The following CSMD3 variants were observed in gnomAD, a reference collection of about 807,000 sequenced individuals.
CSMD3 encodes CUB and sushi domain-containing protein 3.
In CSMD3, 177 loss-of-function variants were observed where a neutral mutation model predicts 435.2. The ratio of observed to expected loss-of-function variants is 0.41; its 90% CI spans 0.36 to 0.46. The LOEUF (loss-of-function observed/expected upper bound fraction) is 0.46, where lower values mean the gene tolerates loss of function less well. Among genes scored for constraint, CSMD3 ranks in the 20% least tolerant of loss-of-function variants. The probability of loss-of-function intolerance (pLI) is 0.34; values close to 1 mark genes in which losing one functional copy is unlikely to be tolerated. For synonymous variants in CSMD3, 1,656 were observed against 1,520.5 expected (o/e 1.09, Z -2.07); for missense variants, 4,265 against 4,504.6 (o/e 0.95, Z 1.52).
chr8:112,879,749 G>T (rs61254463), intron 10 of CSMD3, among the ~76,000 whole-genome samples: 9,291 of 151,998 alleles, frequency 0.061, 961 homozygotes, highest in African/African-American at 0.21. Context: ...GAAGTATCAG[G>T]TGCTGGTTCC....
At chr8:112,734,540 G>T (rs1234092602) in intron 13 of CSMD3, among the ~76,000 whole-genome samples, 1 of 151,896 alleles carries the variant, frequency 6.6e-6, no homozygotes, top group African/African-American at 2.4e-5. Flanking sequence ...TTGTCTCAGA[G>T]AAATGATATA....
Position 112,747,095 on chromosome 8 carries a change from C to T in CSMD3, c.1972+53067G>A, listed in dbSNP as rs181848170. On this transcript the variant is annotated intron_variant, in intron 13 of 70. Coordinates refer to ENST00000297405, the MANE Select transcript of CSMD3 (RefSeq NM_198123.2). ...TTAAAATTTCCATATCATAATTCTA[C>T]TCTTTCCTCTAGTTCATTATTCCCA... Among the ~76,000 whole-genome samples, 3 of 149,398 alleles carry T rather than the reference C, an allele frequency of 2.0e-5. No homozygotes were observed. In the East Asian group the frequency reaches 6.0e-4, roughly 30 times the overall value.
intron 31 of CSMD3, among the ~76,000 whole-genome samples, chr8:112,491,890 A>T (rs1369039644): frequency 6.6e-6 from 1 of 152,014 alleles, no homozygotes; most frequent in Non-Finnish European, 1.5e-5. Context: ...CATTCAATGG[A>T]TTAGGGAGTC....
intron 31 of CSMD3, among the ~76,000 whole-genome samples, chr8:112,475,803 G>A (rs1191976377): frequency 6.6e-6 from 1 of 152,070 alleles, no homozygotes; most frequent in Admixed American, 6.5e-5. Flanking sequence ...ATGGAGAAAA[G>A]GGCAGCTTTT....
intron 8 of CSMD3, among the ~76,000 whole-genome samples, chr8:112,950,929 C>A (rs757272760): frequency 4.6e-5 from 7 of 151,854 alleles, no homozygotes; most frequent in Non-Finnish European, 1.0e-4. Context: ...AATCCCAGTT[C>A]TTATTATTTT....
At chr8:112,871,715 C>G (rs1480907893) in intron 10 of CSMD3, among the ~76,000 whole-genome samples, 1 of 152,044 alleles carries the variant, frequency 6.6e-6, no homozygotes, top group African/African-American at 2.4e-5. Context: ...TCTTTCTACA[C>G]AATATTTGGT....
chr8:112,644,632 C>T (rs73702364), intron 20 of CSMD3, among the ~76,000 whole-genome samples: 2 of 151,910 alleles, frequency 1.3e-5, no homozygotes, highest in Admixed American at 1.3e-4. Context: ...GAATCTGAGA[C>T]ACAGATATTT....
intron 5 of CSMD3, among the ~76,000 whole-genome samples, chr8:113,033,208 G>A (rs1351552553): frequency 6.6e-6 from 1 of 151,596 alleles, no homozygotes; most frequent in Non-Finnish European, 1.5e-5. Context: ...TGAGAAGAGG[G>A]CCACCATCCT....
At chr8:113,248,496 C>T (rs952482094) in intron 3 of CSMD3, among the ~76,000 whole-genome samples, 4 of 119,494 alleles carry the variant, frequency 3.3e-5, no homozygotes, top group South Asian at 2.5e-4. Flanking sequence ...CATATATATA[C>T]ACACACACAT....
rs552569617 is a variant in CSMD3, at chr8:113,170,688, A to G, written c.709+3034T>C. ...GCCCCACTGGACCACAGGTTCTTAA[A>G]AACAGAAAATGTGTCTTAATCAATC... On this transcript the variant is annotated intron_variant, in intron 4 of 70. Transcript: ENST00000297405. 2.6e-5 allele frequency among the ~76,000 whole-genome samples: 4 copies of G among 152,254 alleles called. No homozygotes were observed. The South Asian group carries it at 6.2e-4, about 24-fold the overall frequency.
intron 2 of CSMD3, among the ~76,000 whole-genome samples, chr8:113,297,645 G>T (rs2093732668): frequency 6.6e-6 from 1 of 152,010 alleles, no homozygotes; most frequent in African/African-American, 2.4e-5. Context: ...ATTATGTTAA[G>T]TATCAGACAT....
chr8:112,672,807 G>GTCTTACTT (rs1382975500), intron 16 of CSMD3, among the ~76,000 whole-genome samples: 1 of 152,012 alleles, frequency 6.6e-6, no homozygotes, highest in African/African-American at 2.4e-5. Flanking sequence ...GCTCAATTTT[G>GTCTTACTT]TCTTACTTTA....
chr8:112,815,127 A>G (rs2079337506), intron 12 of CSMD3, among the ~76,000 whole-genome samples: 1 of 152,128 alleles, frequency 6.6e-6, no homozygotes, highest in South Asian at 2.1e-4. Context: ...AACACATCAC[A>G]GTAGAGTGAC....
intron 5 of CSMD3, among the ~76,000 whole-genome samples, chr8:113,055,423 T>A (rs1564260735): frequency 1.3e-5 from 2 of 152,302 alleles, no homozygotes; most frequent in East Asian, 1.9e-4. Flanking sequence ...TATTATAAAG[T>A]GTTTGAGTCC....
At chr8:112,503,585 G>A (rs1477667579) in intron 30 of CSMD3, among the ~76,000 whole-genome samples, 1 of 151,834 alleles carries the variant, frequency 6.6e-6, no homozygotes, top group East Asian at 1.9e-4. Context: ...CCTTTCCTTT[G>A]GTAGTAATTA....
chr8:112,240,771 G>A, intron 66 of CSMD3, among the ~76,000 whole-genome samples: 1 of 152,074 alleles, frequency 6.6e-6, no homozygotes, highest in Non-Finnish European at 1.5e-5. Context: ...TGTTGTAGGA[G>A]GAATCTGGTG....
intron 31 of CSMD3, among the ~76,000 whole-genome samples, chr8:112,491,694 C>T (rs1820714278): frequency 6.6e-6 from 1 of 152,034 alleles, no homozygotes; most frequent in Admixed American, 6.6e-5. Context: ...TTAAAGTATA[C>T]TTTTTTCCTA....
chr8:112,723,784 A>T (rs1161781263), intron 13 of CSMD3, among the ~76,000 whole-genome samples: 2 of 152,248 alleles, frequency 1.3e-5, no homozygotes, highest in East Asian at 1.9e-4. Flanking sequence ...GAGGAAACAA[A>T]ATAGCTACTT....
chr8:112,607,833 AGAAGCC>A lies in CSMD3; in HGVS notation c.3716-20604_3716-20599del, dbSNP rs559562942. On this transcript the variant is annotated intron_variant, in intron 22 of 70. Transcript: ENST00000297405. ...CTAAACACAATAAAAGTCATATATC[AGAAGCC>A]CACAGCTGACATCAAACATTGAAAA... Among the ~76,000 whole-genome samples the A allele has an allele frequency of 9.9e-5, 15 of 152,284 alleles. No individual in the cohort carries two copies. In the East Asian group the frequency reaches 2.5e-3, roughly 25 times the overall value.
Sources: allele counts gnomAD v4.1 joint callset (sites outside exome capture counted in the v4.1 genomes callset), GRCh38; gene constraint gnomAD v4.1.1; transcripts MANE v1.5; gene names NCBI Gene and HGNC (gene_info 2026-07-23, HGNC 2026-07-21).